Variants in ANKS1B observed in about 807,000 individuals in gnomAD.
ANKS1B encodes the protein ankyrin repeat and sterile alpha motif domain-containing protein 1B.
A neutral mutation model predicts 148.3 loss-of-function variants in ANKS1B; 36 were observed. That is an observed-to-expected ratio of 0.24 (90% CI 0.19 to 0.32). The LOEUF (loss-of-function observed/expected upper bound fraction) is 0.32, where lower values mean the gene tolerates loss of function less well. Among genes scored for constraint, ANKS1B ranks in the 10% least tolerant of loss-of-function variants. The pLI is 1.00. For synonymous variants in ANKS1B, 542 were observed against 560.8 expected, an observed-to-expected ratio of 0.97 and a Z score of 0.47; for missense variants, 1,157 against 1,542.6, an observed-to-expected ratio of 0.75 and a Z score of 4.19.
rs769364658 is a variant in ANKS1B, at chr12:99,405,066, A to G, written c.1576-5255T>C. Reference sequence around the variant, plus strand: ...GTATATCCAGTGAAAATATCCTTCAAACATGAAGGAGAAATAAAGACTTTC... The same window carrying G: ...GTATATCCAGTGAAAATATCCTTCAGACATGAAGGAGAAATAAAGACTTTC... On this transcript the variant is annotated intron_variant, in intron 11 of 26. Transcript: ENST00000683438. 5.5e-4 allele frequency among the ~76,000 whole-genome samples: 81 copies of G among 146,026 alleles called. 8 individuals are homozygous for G. The highest frequency in any genetic ancestry group is 9.2e-4 in the Non-Finnish European group (61 of 65,960).
intron 12 of ANKS1B, among the ~76,000 whole-genome samples, chr12:99,308,221 A>G (rs1177203395): frequency 2.0e-5 from 3 of 152,224 alleles, no homozygotes; most frequent in East Asian, 1.9e-4. Flanking sequence ...AATTTGCTGC[A>G]GAGAATTAAG....
chr12:99,156,548 A>C (rs959343102), intron 14 of ANKS1B, among the ~76,000 whole-genome samples: 2 of 151,970 alleles, frequency 1.3e-5, no homozygotes, highest in African/African-American at 4.8e-5. Flanking sequence ...CCACTTTTCC[A>C]CTGCCCCAGA....
rs527672145 is a variant in ANKS1B at position 99,643,377 on chromosome 12, G to A, written c.1272+11690C>T. Reference sequence around the variant, plus strand: ...AATTCAATGATATGACAAGTGTAGCGAAACAATTATAGATATCCCCAACCA... The same window carrying A: ...AATTCAATGATATGACAAGTGTAGCAAAACAATTATAGATATCCCCAACCA... On this transcript the variant is annotated intron_variant, in intron 9 of 26. Coordinates refer to ENST00000683438, the MANE Select transcript of ANKS1B (RefSeq NM_001352186.2). 1.9e-4 allele frequency among the ~76,000 whole-genome samples: 29 copies of A among 152,228 alleles called. 1 individual carries two copies. Among genetic ancestry groups the A allele is most frequent in the Middle Eastern group, 6.8e-3 (2 of 294 alleles).
intron 1 of ANKS1B, among the ~76,000 whole-genome samples, chr12:99,875,657 C>A (rs547998394): frequency 3.3e-5 from 5 of 152,260 alleles, no homozygotes; most frequent in Admixed American, 3.3e-4. Flanking sequence ...ATGCAAATTT[C>A]AGTGATTGGA....
At chr12:99,489,669 CCAGCATCCTCATAGATGCCTGTGA>C (rs1381889623) in intron 10 of ANKS1B, among the ~76,000 whole-genome samples, 1 of 152,140 alleles carries the variant, frequency 6.6e-6, no homozygotes, top group Admixed American at 6.5e-5. Flanking sequence ...AAATGATAAT[CCAGCATCCTCATAGATGCCTGTGA>C]CTAAAGGTCA....
chr12:99,378,552 G>A (rs1284395897), intron 12 of ANKS1B, among the ~76,000 whole-genome samples: 1 of 151,536 alleles, frequency 6.6e-6, no homozygotes, highest in Non-Finnish European at 1.5e-5. Flanking sequence ...CTACCCAGGA[G>A]GCTGAGGCAG....
chr12:99,134,977 C>T (rs553771764), intron 15 of ANKS1B, among the ~76,000 whole-genome samples: 15 of 152,074 alleles, frequency 9.9e-5, no homozygotes, highest in African/African-American at 1.7e-4. Context: ...TTAGCACGAG[C>T]GACAAAGATC....
intron 1 of ANKS1B, among the ~76,000 whole-genome samples, chr12:99,938,679 C>T (rs1376415958): frequency 1.3e-5 from 2 of 152,280 alleles, no homozygotes; most frequent in Non-Finnish European, 2.9e-5. Flanking sequence ...CACAGCCAGA[C>T]CCTTTTGTAA....
At position 99,689,228 on chromosome 12, in the gene ANKS1B, G is replaced by A. The variant is rs1331958183; in HGVS notation, c.1129-34018C>T. On this transcript the variant is annotated intron_variant, in intron 8 of 26. Transcript: ENST00000683438. ...AAAACACAAAACATGTCTTATTCAT[G>A]TTTGAATTCCTAATAATTAGACTGG... is the stretch of plus-strand genomic sequence containing the variant. 2.6e-5 allele frequency among the ~76,000 whole-genome samples: 4 copies of A among 152,178 alleles called. No individual in the cohort carries two copies. The East Asian group carries it at 5.8e-4, about 22-fold the overall frequency.
At chr12:99,308,898 T>C (rs1349042955) in intron 12 of ANKS1B, among the ~76,000 whole-genome samples, 1 of 149,256 alleles carries the variant, frequency 6.7e-6, no homozygotes, top group African/African-American at 2.4e-5. Flanking sequence ...TTGTATAATA[T>C]ATATAGTATA....
rs184271798 is a variant in ANKS1B, at chr12:99,507,187, C to A, written c.1273-2546G>T. Among the ~76,000 whole-genome samples, 105 of 151,748 alleles carry A rather than the reference C, an allele frequency of 6.9e-4. 1 individual carries two copies. The highest frequency in any genetic ancestry group is 4.4e-4 in the Non-Finnish European group (30 of 67,844). ...AAAAAGTGAAAAACTGAGATTACAA[C>A]GATAAGATTGTAAAGATTCTATGGA... On this transcript the variant is annotated intron_variant, in intron 9 of 26. Transcript: ENST00000683438.
intron 8 of ANKS1B, among the ~76,000 whole-genome samples, chr12:99,678,146 AC>A (rs2098592448): frequency 2.6e-5 from 4 of 152,246 alleles, no homozygotes; most frequent in African/African-American, 7.2e-5. Flanking sequence ...TTGAGAACTT[AC>A]TGTTCTACTT....
intron 16 of ANKS1B, among the ~76,000 whole-genome samples, chr12:99,074,352 A>C (rs1426642746): frequency 1.3e-5 from 2 of 151,980 alleles, no homozygotes; most frequent in African/African-American, 2.4e-5. Flanking sequence ...AACACTAAAA[A>C]GTTCTGCCTC....
At chr12:99,316,935 C>T (rs1439847142) in intron 12 of ANKS1B, among the ~76,000 whole-genome samples, 2 of 152,108 alleles carry the variant, frequency 1.3e-5, no homozygotes, top group Non-Finnish European at 1.5e-5. Context: ...GAATCCTTTC[C>T]CCATTTCTTG....
intron 8 of ANKS1B, among the ~76,000 whole-genome samples, chr12:99,695,185 C>A (rs2153510311): frequency 7.0e-6 from 1 of 142,548 alleles, no homozygotes; most frequent in East Asian, 2.3e-4. Context: ...CAGAAGTAGC[C>A]TATAGAAGTT....
intron 14 of ANKS1B, among the ~76,000 whole-genome samples, chr12:99,180,292 T>C (rs1284630121): frequency 1.3e-5 from 2 of 152,206 alleles, no homozygotes; most frequent in East Asian, 1.9e-4. Flanking sequence ...TTGCATATTT[T>C]TCACAAGACT....
At chr12:99,444,689 C>T (rs1194436505) in intron 10 of ANKS1B, among the ~76,000 whole-genome samples, 2 of 151,922 alleles carry the variant, frequency 1.3e-5, no homozygotes, top group African/African-American at 2.4e-5. Flanking sequence ...TTTATGAAAA[C>T]TGCTGCAAGC....
intron 14 of ANKS1B, among the ~76,000 whole-genome samples, chr12:99,219,292 C>T (rs1302707194): frequency 7.9e-5 from 12 of 152,172 alleles, no homozygotes; most frequent in East Asian, 3.9e-4. Flanking sequence ...TTCTCCCAGT[C>T]TCTCACTGAT....
At chr12:98,792,438 ATTTC>A (rs1566564567) in intron 22 of ANKS1B, among the ~76,000 whole-genome samples, 1 of 152,144 alleles carries the variant, frequency 6.6e-6, no homozygotes, top group Non-Finnish European at 1.5e-5. Flanking sequence ...AACAGTTATG[ATTTC>A]TTTGTTTTCA....
Sources: gnomAD v4.1 joint callset for allele counts (sites outside exome capture counted in the v4.1 genomes callset) on GRCh38, gnomAD v4.1.1 for gene constraint, MANE v1.5 for transcripts, NCBI Gene and HGNC (gene_info 2026-07-23, HGNC 2026-07-21) for gene names.